The following RAB3GAP2 variants were observed in gnomAD, a reference collection of about 807,000 sequenced individuals.
RAB3GAP2 encodes rab3 GTPase-activating protein non-catalytic subunit.
In RAB3GAP2, 87 loss-of-function variants were observed where a neutral mutation model predicts 185.3. The observed-to-expected ratio is 0.47, with a 90% CI of 0.39 to 0.56. The LOEUF is 0.56. RAB3GAP2 is among the 20% of genes least tolerant of loss of function. The probability of loss-of-function intolerance (pLI) is 0.00; values close to 1 mark genes in which losing one functional copy is unlikely to be tolerated. For synonymous variants in RAB3GAP2, 554 were observed against 576.1 expected, an observed-to-expected ratio of 0.96 and a Z score of 0.55; for missense variants, 1,492 against 1,638.2, an observed-to-expected ratio of 0.91 and a Z score of 1.54.
chr1:220,155,995 G>C (rs1460403675), intron 31 of RAB3GAP2, among the ~76,000 whole-genome samples: 1 of 150,964 alleles, frequency 6.6e-6, no homozygotes, highest in African/African-American at 2.4e-5. Context: ...CTGTGGCCCA[G>C]GCTGAAGTGC....
At chr1:220,207,571 G>A (rs191231514) in intron 7 of RAB3GAP2, 29 of 152,372 alleles carry the variant, frequency 1.9e-4, no homozygotes, top group Admixed American at 7.8e-4. Flanking sequence ...GTGGGGAAGG[G>A]ACATGGCATG....
chr1:220,228,491 G>C (rs1341690404), intron 2 of RAB3GAP2, among the ~76,000 whole-genome samples: 1 of 152,124 alleles, frequency 6.6e-6, no homozygotes, highest in Non-Finnish European at 1.5e-5. Flanking sequence ...CAAGGGAGAG[G>C]TCACAGTCCT....
intron 2 of RAB3GAP2, among the ~76,000 whole-genome samples, chr1:220,220,862 G>A (rs1170253506): frequency 1.3e-5 from 2 of 152,184 alleles, no homozygotes; most frequent in Non-Finnish European, 2.9e-5. Flanking sequence ...CCCCAGCCAC[G>A]TGGAAGTGTA....
intron 24 of RAB3GAP2, among the ~76,000 whole-genome samples, chr1:220,168,339 G>A (rs1658110517): frequency 6.6e-6 from 1 of 151,986 alleles, no homozygotes. Flanking sequence ...TGATCTGCCT[G>A]CCTCAGCCCC....
intron 1 of RAB3GAP2, chr1:220,254,273 A>G (rs1659993712): frequency 7.4e-6 from 12 of 1,613,536 alleles, no homozygotes; most frequent in African/African-American, 1.3e-5. Context: ...CAGCTACTCT[A>G]TAAATTTGAG....
intron 28 of RAB3GAP2, among the ~76,000 whole-genome samples, chr1:220,160,514 A>T (rs1220946533): frequency 6.6e-6 from 1 of 152,188 alleles, no homozygotes; most frequent in African/African-American, 2.4e-5. Context: ...AGCCCTTACC[A>T]CATGTGCCAG....
chr1:220,272,340 C>G lies in RAB3GAP2; in HGVS notation c.-3G>C. On this transcript the variant is annotated 5_prime_UTR_variant, in exon 1 of 35. Transcript: ENST00000358951. ...AACTGGACAATGGAGCAGGCCATGGCTCCAGGGAACCCCACTACGGCACTC... is the reference window on the plus strand; with the variant it reads ...AACTGGACAATGGAGCAGGCCATGGGTCCAGGGAACCCCACTACGGCACTC... 2 of 1,604,362 alleles carry G rather than the reference C, an allele frequency of 1.2e-6. No homozygotes were observed. Among genetic ancestry groups the G allele is most frequent in the South Asian group, 2.2e-5 (2 of 89,230 alleles).
At chr1:220,271,986 T>C (rs1331774789) in intron 1 of RAB3GAP2, among the ~76,000 whole-genome samples, 1 of 151,130 alleles carries the variant, frequency 6.6e-6, no homozygotes, top group Non-Finnish European at 1.5e-5. Flanking sequence ...CAAGACGCAG[T>C]TTTTAGCCAG....
chr1:220,169,171 A>G (rs934511604), intron 24 of RAB3GAP2, among the ~76,000 whole-genome samples: 3 of 152,258 alleles, frequency 2.0e-5, no homozygotes, highest in Non-Finnish European at 4.4e-5. Context: ...AAAGTTCACA[A>G]GTTTTATAAA....
intron 1 of RAB3GAP2, among the ~76,000 whole-genome samples, chr1:220,265,261 G>C (rs938068996): frequency 6.6e-6 from 1 of 151,910 alleles, no homozygotes; most frequent in Non-Finnish European, 1.5e-5. Context: ...CCTAAATAAA[G>C]CACATTTTTC....
At chr1:220,185,989 C>T (rs1163811436) in intron 17 of RAB3GAP2, among the ~76,000 whole-genome samples, 1 of 152,104 alleles carries the variant, frequency 6.6e-6, no homozygotes, top group Non-Finnish European at 1.5e-5. Flanking sequence ...TAGAAGGCAA[C>T]TGCTACTTAA....
At chr1:220,247,520 G>GT (rs1284328350) in intron 1 of RAB3GAP2, among the ~76,000 whole-genome samples, 1 of 152,160 alleles carries the variant, frequency 6.6e-6, no homozygotes, top group African/African-American at 2.4e-5. Context: ...AGCAAAAACC[G>GT]TATGTCCTCC....
At chr1:220,254,246 A>G in intron 1 of RAB3GAP2, 1 of 1,613,542 alleles carries the variant, frequency 6.2e-7, no homozygotes, top group Non-Finnish European at 8.5e-7. Flanking sequence ...GAATACTTCA[A>G]CGTAATGTTG....
At chr1:220,252,776 G>C (rs145220186) in intron 1 of RAB3GAP2, among the ~76,000 whole-genome samples, 162 of 151,872 alleles carry the variant, frequency 1.1e-3, no homozygotes, top group African/African-American at 3.8e-3. Flanking sequence ...GTAGAGTCTC[G>C]GCAGAGCAGC....
At chr1:220,169,301 A>T (rs1658131401) in intron 24 of RAB3GAP2, among the ~76,000 whole-genome samples, 1 of 152,264 alleles carries the variant, frequency 6.6e-6, no homozygotes, top group Admixed American at 6.5e-5. Context: ...GAGCCCCCAA[A>T]GACAACTAAA....
chr1:220,253,608 G>A (rs1189950109), intron 1 of RAB3GAP2: 5 of 1,577,522 alleles, frequency 3.2e-6, no homozygotes, highest in African/African-American at 1.4e-5. Flanking sequence ...AATTCCAGGA[G>A]GGTGAGCGAG....
intron 2 of RAB3GAP2, among the ~76,000 whole-genome samples, chr1:220,218,461 A>ACAT (rs1659239826): frequency 6.6e-6 from 1 of 152,164 alleles, no homozygotes; most frequent in Non-Finnish European, 1.5e-5. Flanking sequence ...CTAACTTGTC[A>ACAT]CATCATTCTG....
Position 220,196,327 on chromosome 1 carries a change from T to C in RAB3GAP2, c.883A>G (p.Lys295Glu). The C allele has an allele frequency of 6.2e-7, 1 of 1,609,576 alleles. No individual in the cohort carries two copies. The highest frequency in any genetic ancestry group is 1.3e-5 in the African/African-American group (1 of 74,930). The change falls in exon 10 of 35, where the codon AAA becomes GAA. Residue 295 changes from lysine (K) to glutamate (E), a missense_variant. By Grantham distance (56) the Lys-to-Glu change is moderately conservative. This residue lies in a region of RAB3GAP2 where 243 missense variants were observed against 314.8 expected (regional missense o/e 0.77). Transcript: ENST00000358951. ...SNIGGFNAAI[K>E]NSPPAMSQYI... ...TGAGACATGGCAGGTGGACTATTTT[T>C]AATTGCTGCATTAAATCCACCTATA...
intron 30 of RAB3GAP2, 150 bp from the exon 31 acceptor site, chr1:220,157,638 A>T (rs1323062991): frequency 1.9e-6 from 2 of 1,075,330 alleles, no homozygotes; most frequent in Non-Finnish European, 2.7e-6. Flanking sequence ...AATTTCAATA[A>T]GAATTTAATA....
Sources: allele counts gnomAD v4.1 joint callset (sites outside exome capture counted in the v4.1 genomes callset), GRCh38; gene constraint gnomAD v4.1.1; regional missense constraint gnomAD v4.1.1; transcripts MANE v1.5; gene names NCBI Gene and HGNC (gene_info 2026-07-23, HGNC 2026-07-21).